Variants in COLGALT2 observed in about 807,000 individuals in gnomAD.
COLGALT2 encodes procollagen galactosyltransferase 2.
A neutral mutation model predicts 73.4 loss-of-function variants in COLGALT2; 49 were observed. That is an observed-to-expected ratio of 0.67 (90% CI 0.53 to 0.85). The LOEUF (loss-of-function observed/expected upper bound fraction) is 0.85. COLGALT2 is among the 40% of genes least tolerant of loss of function. COLGALT2 has a pLI of 0.00. For synonymous variants in COLGALT2, 295 were observed against 307.6 expected, an observed-to-expected ratio of 0.96 and a Z score of 0.43; for missense variants, 722 against 790.2, an observed-to-expected ratio of 0.91 and a Z score of 1.03.
At chr1:183,930,151 G>A in exon 12 of COLGALT2, 1 of 454,594 alleles carries the variant, frequency 2.2e-6, no homozygotes, top group Non-Finnish European at 4.4e-6. Flanking sequence ...AAATGCAGGA[G>A]AAACCTGGAG....
chr1:183,951,219 G>T (rs1670391825), intron 7 of COLGALT2, 106 bp from the exon 8 acceptor site: 4 of 767,854 alleles, frequency 5.2e-6, no homozygotes, highest in Non-Finnish European at 6.9e-6. Context: ...GAGTGGAAAA[G>T]ATAGGAAGAA....
chr1:184,032,945 C>T (rs574468311), intron 1 of COLGALT2, among the ~76,000 whole-genome samples: 65 of 152,342 alleles, frequency 4.3e-4, no homozygotes, highest in African/African-American at 1.5e-3. Flanking sequence ...CATCCCCCAG[C>T]TCATCACTGT....
intron 1 of COLGALT2, among the ~76,000 whole-genome samples, chr1:184,007,172 C>T (rs1672109140): frequency 6.6e-6 from 1 of 152,132 alleles, no homozygotes; most frequent in South Asian, 2.1e-4. Flanking sequence ...TGCTGCAACC[C>T]CAAGCTCATG....
Position 183,937,179 on chromosome 1 carries a change from G to C in COLGALT2, c.*1582C>G. The C allele has an allele frequency of 8.2e-7, 1 of 1,225,868 alleles. No homozygotes were observed. Among genetic ancestry groups the C allele is most frequent in the Non-Finnish European group, 1.0e-6 (1 of 984,846 alleles). The allele number at this position is 1,225,868 out of a possible 1,614,324, so 75.9% of individuals were successfully genotyped here. A position where few individuals can be genotyped will look rare whatever the true frequency, so the allele number is the denominator to read the frequency against. ...CTGCTCTGAAGGGCCCTCCCCATGA[G>C]TTTAAGTGTGAAGCTCAGGGTTTGG... On this transcript the variant is annotated 3_prime_UTR_variant, in exon 12 of 12. Coordinates refer to ENST00000361927, the MANE Select transcript of COLGALT2 (RefSeq NM_015101.4).
At position 183,954,904 on chromosome 1, in the gene COLGALT2, C is replaced by G. The variant is rs994312998; in HGVS notation, c.953-66G>C. The G allele has an allele frequency of 1.7e-5, 21 of 1,209,352 alleles. No homozygotes were observed. The Admixed American group carries it at 3.6e-4, about 21-fold the overall frequency. 74.9% of individuals were successfully genotyped at this position (1,209,352 alleles called of 1,614,324 possible). ...AAGGGTCAGAAATCAGAATTCCATC[C>G]GCATGCCTGATCTCTAGGGTTGGAA... On this transcript the variant is annotated intron_variant, in intron 6 of 11. Coordinates refer to ENST00000361927, the MANE Select transcript of COLGALT2 (RefSeq NM_015101.4).
intron 1 of COLGALT2, among the ~76,000 whole-genome samples, chr1:183,989,571 A>T (rs1238579575): frequency 6.6e-6 from 1 of 152,212 alleles, no homozygotes; most frequent in Admixed American, 6.5e-5. Flanking sequence ...AAGCTGAAGG[A>T]AGTGTCCATG....
chr1:183,998,763 T>C (rs954557984), intron 1 of COLGALT2, among the ~76,000 whole-genome samples: 1 of 152,126 alleles, frequency 6.6e-6, no homozygotes, highest in African/African-American at 2.4e-5. Flanking sequence ...CAGAATTTTT[T>C]CATAAAGATA....
chr1:183,963,637 G>A (rs1670782037), intron 6 of COLGALT2, among the ~76,000 whole-genome samples: 1 of 152,096 alleles, frequency 6.6e-6, no homozygotes, highest in Non-Finnish European at 1.5e-5. Flanking sequence ...CACTATTATA[G>A]CACTTATCAG....
chr1:183,951,139 G>A (rs774499757), intron 7 of COLGALT2, 26 bp from the exon 8 acceptor site: 1 of 1,531,994 alleles, frequency 6.5e-7, no homozygotes, highest in South Asian at 1.1e-5. Flanking sequence ...AAAGGGAAAA[G>A]ACACATAAAT....
At position 183,937,538 on chromosome 1, in the gene COLGALT2, T is replaced by C; in HGVS notation, c.*1223A>G. 1.0e-6 allele frequency: 1 copy of C among 985,396 alleles called. No homozygotes were observed. Among genetic ancestry groups the C allele is most frequent in the Non-Finnish European group, 1.2e-6 (1 of 829,938 alleles). The allele number at this position is 985,396 out of a possible 1,614,324, so 61.0% of individuals were successfully genotyped here. On this transcript the variant is annotated 3_prime_UTR_variant, in exon 12 of 12. Coordinates refer to ENST00000361927, the MANE Select transcript of COLGALT2 (RefSeq NM_015101.4). Reference sequence around the variant, plus strand: ...CCTAAATCAGGTGACCAGCCCTTTGTTTCTGACCAGGTTTCTCACCTGAGA... The same window carrying C: ...CCTAAATCAGGTGACCAGCCCTTTGCTTCTGACCAGGTTTCTCACCTGAGA...
chr1:184,013,648 A>G (rs1648885902), intron 1 of COLGALT2, among the ~76,000 whole-genome samples: 1 of 152,030 alleles, frequency 6.6e-6, no homozygotes, highest in South Asian at 2.1e-4. Context: ...TACGGATTTT[A>G]CCCTCAAAGG....
At position 183,944,194 on chromosome 1, in the gene COLGALT2, A is replaced by C. The variant is rs1273708589; in HGVS notation, c.1397+2T>G. The stretch of plus-strand genomic sequence containing the variant: ...CTCTCGTAAGATCATCTTGTCACTC[A>C]CATCAGTTCCCAGTCCAGCTGAGCC... On this transcript the variant is annotated splice_donor_variant, in intron 10 of 11. Coordinates refer to ENST00000361927, the MANE Select transcript of COLGALT2 (RefSeq NM_015101.4). LOFTEE classifies it high-confidence loss of function. 2 of 1,608,252 alleles carry C rather than the reference A, an allele frequency of 1.2e-6. No individual in the cohort carries two copies. Among genetic ancestry groups the C allele is most frequent in the Non-Finnish European group, 8.5e-7 (1 of 1,177,918 alleles).
intron 1 of COLGALT2, among the ~76,000 whole-genome samples, chr1:183,983,874 A>G (rs1436398737): frequency 6.6e-6 from 1 of 152,240 alleles, no homozygotes; most frequent in Non-Finnish European, 1.5e-5. Context: ...CTTGAAGAAA[A>G]CAAATGATGT....
At chr1:183,948,424 CAT>C (rs1670304562) in intron 8 of COLGALT2, among the ~76,000 whole-genome samples, 1 of 152,174 alleles carries the variant, frequency 6.6e-6, no homozygotes, top group African/African-American at 2.4e-5. Flanking sequence ...TTTGGTTTAA[CAT>C]GTGAAAACCA....
chr1:183,988,811 T>C (rs186366212), intron 1 of COLGALT2, among the ~76,000 whole-genome samples: 2 of 152,174 alleles, frequency 1.3e-5, no homozygotes, highest in East Asian at 3.8e-4. Context: ...CATGTACAGG[T>C]TTTTGTGTGA....
In COLGALT2 at chr1:184,037,316, C is replaced by A; in HGVS notation, c.42G>T (p.Leu14=). 1 of 1,513,008 alleles carries A rather than the reference C, an allele frequency of 6.6e-7. No homozygotes were observed. Among genetic ancestry groups the A allele is most frequent in the Non-Finnish European group, 8.8e-7 (1 of 1,131,630 alleles). The allele number at this position is 1,513,008 out of a possible 1,614,324, so 93.7% of individuals were successfully genotyped here. A position where few individuals can be genotyped will look rare whatever the true frequency, so the allele number is the denominator to read the frequency against. Residue 14 remains leucine, a synonymous_variant, in exon 1 of 12, where the codon CTG becomes CTT. Coordinates refer to ENST00000361927, the MANE Select transcript of COLGALT2 (RefSeq NM_015101.4). ...CGCGGAGCAGGGCTGAGGAGAGGAG[C>A]AGTAGCGACCAGGCGAGGGTGGCAG... ...RPAATLAWSL[L]LLSSALLREG...
chr1:183,983,568 G>C (rs1288436701), intron 1 of COLGALT2, among the ~76,000 whole-genome samples: 4 of 152,172 alleles, frequency 2.6e-5, no homozygotes, highest in Non-Finnish European at 5.9e-5. Flanking sequence ...GGTGCTAACG[G>C]TTCTATTTTC....
Position 184,036,951 on chromosome 1 carries a change from G to C in COLGALT2, c.263+144C>G, listed in dbSNP as rs553079270. ...GCCAGCCACCGGCGCGGGCAGCGAGGGGGTGTGTGCGCCAGATTTTCCGCG... is the reference window on the plus strand; with the variant it reads ...GCCAGCCACCGGCGCGGGCAGCGAGCGGGTGTGTGCGCCAGATTTTCCGCG... On this transcript the variant is annotated intron_variant, in intron 1 of 11. Coordinates refer to ENST00000361927, the MANE Select transcript of COLGALT2 (RefSeq NM_015101.4). 4.9e-4 allele frequency: 325 copies of C among 658,400 alleles called. No homozygotes were observed. The African/African-American group carries it at 5.2e-3, about 10-fold the overall frequency. 40.8% of individuals were successfully genotyped at this position (658,400 alleles called of 1,614,324 possible). A position where few individuals can be genotyped will look rare whatever the true frequency, so the allele number is the denominator to read the frequency against.
chr1:183,999,460 G>A (rs575110810), intron 1 of COLGALT2, among the ~76,000 whole-genome samples: 1 of 152,122 alleles, frequency 6.6e-6, no homozygotes, highest in South Asian at 2.1e-4. Flanking sequence ...ATTACGTTAT[G>A]TTAACCTCAC....
Sources: gnomAD v4.1 joint callset for allele counts (sites outside exome capture counted in the v4.1 genomes callset) on GRCh38, gnomAD v4.1.1 for gene constraint, MANE v1.5 for transcripts, NCBI Gene and HGNC (gene_info 2026-07-23, HGNC 2026-07-21) for gene names.